RAB10: variants seen among roughly 807,000 people sequenced by gnomAD.
RAB10 encodes the protein ras-related protein Rab-10.
A neutral mutation model predicts 25.7 loss-of-function variants in RAB10; 5 were observed. The observed-to-expected ratio is 0.19, with a 90% confidence interval of 0.10 to 0.41. The LOEUF is 0.41. Among genes scored for constraint, RAB10 ranks in the 10% least tolerant of loss-of-function variants. The probability of loss-of-function intolerance (pLI) is 1.00; values close to 1 mark genes in which losing one functional copy is unlikely to be tolerated. For synonymous variants in RAB10, 89 were observed against 86.4 expected (o/e 1.03, Z -0.16); for missense variants, 103 against 245.8 (o/e 0.42, Z 3.89).
chr2:26,098,109 C>CTTTTT (rs57174956), intron 1 of RAB10, among the ~76,000 whole-genome samples: 16 of 52,726 alleles, frequency 3.0e-4, no homozygotes, highest in African/African-American at 1.2e-3. Flanking sequence ...TTCTTTCTTT[C>CTTTTT]TTTTTTTTTT....
intron 1 of RAB10, among the ~76,000 whole-genome samples, chr2:26,051,276 A>G (rs573038388): frequency 1.3e-4 from 16 of 120,996 alleles, no homozygotes; most frequent in Admixed American, 7.2e-4. Flanking sequence ...TGAATATACT[A>G]TTTTCTCTTC....
chr2:26,042,536 C>G (rs1292848148), intron 1 of RAB10: 1 of 152,080 alleles, frequency 6.6e-6, no homozygotes, highest in Non-Finnish European at 1.5e-5. Context: ...GTCCCAGCTA[C>G]TCAGGAGGCT....
chr2:26,127,818 A>G, intron 4 of RAB10, 32 bp from the exon 5 acceptor site: 1 of 1,505,584 alleles, frequency 6.6e-7, no homozygotes, highest in Non-Finnish European at 9.2e-7. Flanking sequence ...CATGCTTGAT[A>G]ATTTTATGAT....
chr2:26,134,357 T>G (rs1428225680), intron 5 of RAB10, among the ~76,000 whole-genome samples: 2 of 152,132 alleles, frequency 1.3e-5, no homozygotes, highest in Non-Finnish European at 2.9e-5. Context: ...CCTCAAGTGA[T>G]CCTCTCACCT....
In RAB10 at chr2:26,137,217, T is replaced by G. The variant is rs955092488; in HGVS notation, c.*2196T>G. On this transcript the variant is annotated 3_prime_UTR_variant, in exon 6 of 6. Transcript: ENST00000264710. ...AAAGGGAAATGAAGTATAAATCAAT[T>G]TTTGTATAATCTGTTTGAAACATGA... is the stretch of plus-strand genomic sequence containing the variant. 4 of 152,678 alleles carry G rather than the reference T, an allele frequency of 2.6e-5. No individual in the cohort carries two copies. Among genetic ancestry groups the G allele is most frequent in the East Asian group, 1.9e-4 (1 of 5,208 alleles). 9.5% of individuals were successfully genotyped at this position (152,678 alleles called of 1,614,324 possible).
At chr2:26,068,726 T>C (rs1249934015) in intron 1 of RAB10, among the ~76,000 whole-genome samples, 1 of 152,192 alleles carries the variant, frequency 6.6e-6, no homozygotes, top group Non-Finnish European at 1.5e-5. Context: ...TAACTTTAAT[T>C]GTGTTAATCG....
In RAB10 at chr2:26,135,085, C is replaced by T. The variant is rs1016416685; in HGVS notation, c.*64C>T. 7.7e-6 allele frequency: 10 copies of T among 1,305,868 alleles called. No individual in the cohort carries two copies. The highest frequency in any genetic ancestry group is 9.7e-6 in the Non-Finnish European group (9 of 925,406). The allele number at this position is 1,305,868 out of a possible 1,614,324, so 80.9% of individuals were successfully genotyped here. A position where few individuals can be genotyped will look rare whatever the true frequency, so the allele number is the denominator to read the frequency against. On this transcript the variant is annotated 3_prime_UTR_variant, in exon 6 of 6. Coordinates refer to ENST00000264710, the MANE Select transcript of RAB10 (RefSeq NM_016131.5). Reference sequence around the variant, plus strand: ...TTTTCTCTTCTTGCTGCAAAATAAACCACTCTGTCCATTTTTAACTCTAAA... The same window carrying T: ...TTTTCTCTTCTTGCTGCAAAATAAATCACTCTGTCCATTTTTAACTCTAAA...
chr2:26,060,863 A>G (rs1056646424), intron 1 of RAB10, among the ~76,000 whole-genome samples: 14 of 152,200 alleles, frequency 9.2e-5, no homozygotes, highest in African/African-American at 2.2e-4. Context: ...GGCCCGACTT[A>G]AATGTCTTTC....
At chr2:26,093,433 G>T (rs938183952) in intron 1 of RAB10, among the ~76,000 whole-genome samples, 1 of 151,992 alleles carries the variant, frequency 6.6e-6, no homozygotes, top group African/African-American at 2.4e-5. Context: ...CACATAACAG[G>T]TTTTAATTAT....
intron 1 of RAB10, among the ~76,000 whole-genome samples, chr2:26,048,845 G>A (rs963302310): frequency 4.6e-5 from 7 of 152,152 alleles, no homozygotes; most frequent in African/African-American, 1.7e-4. Context: ...CAGCCTGGGC[G>A]ACAGTGAGAC....
At chr2:26,112,079 G>T (rs533829516) in intron 3 of RAB10, among the ~76,000 whole-genome samples, 11 of 152,306 alleles carry the variant, frequency 7.2e-5, no homozygotes, top group African/African-American at 2.6e-4. Context: ...AGAGGCATAT[G>T]TGGGGAGTAG....
At chr2:26,109,385 CTTA>C (rs1252351961) in intron 2 of RAB10, among the ~76,000 whole-genome samples, 20 of 152,070 alleles carry the variant, frequency 1.3e-4, no homozygotes, top group Admixed American at 6.6e-4. Flanking sequence ...ACATTTCTGT[CTTA>C]TTATTTATAA....
intron 1 of RAB10, among the ~76,000 whole-genome samples, chr2:26,078,701 A>G (rs1666793571): frequency 6.6e-6 from 1 of 152,164 alleles, no homozygotes; most frequent in African/African-American, 2.4e-5. Context: ...GAACCTAGGT[A>G]GGGTAGATAC....
intron 5 of RAB10, among the ~76,000 whole-genome samples, chr2:26,131,709 T>C (rs1485063040): frequency 6.6e-6 from 1 of 152,170 alleles, no homozygotes; most frequent in Non-Finnish European, 1.5e-5. Context: ...TTATCAGTTA[T>C]TACTCTGAGT....
In RAB10 at chr2:26,096,051, A is replaced by G. The variant is rs1025166820; in HGVS notation, c.128-2611A>G. 3.3e-5 allele frequency among the ~76,000 whole-genome samples: 5 copies of G among 152,134 alleles called. No homozygotes were observed. The South Asian group carries it at 1.0e-3, about 32-fold the overall frequency. On this transcript the variant is annotated intron_variant, in intron 1 of 5. Coordinates refer to ENST00000264710, the MANE Select transcript of RAB10 (RefSeq NM_016131.5). Reference sequence around the variant, plus strand: ...TCTGGTGTACAGCAATTTCTCTTGGAGAAATTTATTGCCAGTGTGCTTGAT... The same window carrying G: ...TCTGGTGTACAGCAATTTCTCTTGGGGAAATTTATTGCCAGTGTGCTTGAT...
intron 5 of RAB10, among the ~76,000 whole-genome samples, chr2:26,132,331 G>A (rs928762530): frequency 6.6e-6 from 1 of 152,234 alleles, no homozygotes; most frequent in Non-Finnish European, 1.5e-5. Context: ...TCGGCTCACT[G>A]CAGCCTCTGC....
At chr2:26,109,563 A>G (rs906797476) in intron 2 of RAB10, among the ~76,000 whole-genome samples, 2 of 152,220 alleles carry the variant, frequency 1.3e-5, no homozygotes, top group African/African-American at 4.8e-5. Context: ...GGTGTTTGCT[A>G]GTGCTTATTC....
intron 1 of RAB10, among the ~76,000 whole-genome samples, chr2:26,084,819 A>G (rs1422710822): frequency 6.6e-6 from 1 of 152,176 alleles, no homozygotes; most frequent in Non-Finnish European, 1.5e-5. Context: ...TATTTTTAAT[A>G]GTGCTAGTAT....
intron 1 of RAB10, among the ~76,000 whole-genome samples, chr2:26,075,636 A>T (rs1444064765): frequency 6.6e-6 from 1 of 152,176 alleles, no homozygotes; most frequent in Non-Finnish European, 1.5e-5. Context: ...TAAAGTGGTT[A>T]TGTTTCTTCT....
Sources: allele counts gnomAD v4.1 joint callset (sites outside exome capture counted in the v4.1 genomes callset), GRCh38; gene constraint gnomAD v4.1.1; transcripts MANE v1.5; gene names NCBI Gene and HGNC (gene_info 2026-07-23, HGNC 2026-07-21).